Variants in RNF111 observed in about 807,000 individuals in gnomAD.
RNF111 encodes E3 ubiquitin-protein ligase Arkadia.
RNF111 carries 17 observed loss-of-function variants against 95.1 expected under a neutral mutation model. That is an observed-to-expected ratio of 0.18 (90% CI 0.12 to 0.27). RNF111 has a LOEUF of 0.27. RNF111 is among the 10% of genes least tolerant of loss of function. The pLI is 1.00. For synonymous variants in RNF111, 440 were observed against 414.8 expected (o/e 1.06, Z -0.74); for missense variants, 1,189 against 1,210.4 (o/e 0.98, Z 0.26).
intron 1 of RNF111, among the ~76,000 whole-genome samples, chr15:58,993,978 T>G (rs1426175046): frequency 1.3e-5 from 2 of 151,942 alleles, no homozygotes; most frequent in Non-Finnish European, 2.9e-5. Flanking sequence ...TATAGGGCAC[T>G]CGAATAAATT....
chr15:59,073,487 A>C (rs1210234455), intron 6 of RNF111, among the ~76,000 whole-genome samples: 1 of 137,832 alleles, frequency 7.3e-6, no homozygotes, highest in Non-Finnish European at 1.5e-5. Flanking sequence ...TCTCCAAAAA[A>C]AAAAAAAATA....
Position 59,030,927 on chromosome 15 carries a change from G to C in RNF111, c.105G>C (p.Gly35=). The C allele has an allele frequency of 6.2e-7, 1 of 1,614,212 alleles. No homozygotes were observed. The highest frequency in any genetic ancestry group is 8.5e-7 in the Non-Finnish European group (1 of 1,180,030). The change falls in exon 2 of 14, where the codon GGG becomes GGC. Residue 35 remains glycine (G), a synonymous_variant. Coordinates refer to ENST00000348370, the MANE Select transcript of RNF111 (RefSeq NM_017610.8). ...DAPKTQESLK[G]ILLHPEPIGA... is the part of the protein sequence containing the mutation. ...CAAAGACACAGGAGAGTCTGAAAGG[G>C]ATCCTTTTGCATCCAGAGCCCATTG...
chr15:59,090,625 A>G (rs563794911), intron 11 of RNF111, among the ~76,000 whole-genome samples: 13 of 152,226 alleles, frequency 8.5e-5, no homozygotes, highest in Non-Finnish European at 1.6e-4. Flanking sequence ...GAATTATTTC[A>G]TCTTCTCCAT....
chr15:59,071,553 C>T (rs1158191248), intron 6 of RNF111, among the ~76,000 whole-genome samples: 6 of 151,608 alleles, frequency 4.0e-5, no homozygotes, highest in African/African-American at 1.2e-4. Context: ...ATTAGCTGGG[C>T]GTGGGGTCTC....
intron 8 of RNF111, among the ~76,000 whole-genome samples, chr15:59,081,807 G>A (rs2078752816): frequency 1.3e-5 from 2 of 151,854 alleles, no homozygotes; most frequent in South Asian, 2.1e-4. Flanking sequence ...CGGGAGGATC[G>A]CTTGAGCCCA....
Position 59,002,046 on chromosome 15 carries a change from A to G in RNF111, c.-20+13978A>G, listed in dbSNP as rs138093957. Among the ~76,000 whole-genome samples, 548 of 152,374 alleles carry G rather than the reference A, an allele frequency of 3.6e-3. 1 individual carries two copies. The highest frequency in any genetic ancestry group is 0.014 in the Middle Eastern group (4 of 294). ...ATAAAATGGCGAAATGAGGTTAATG[A>G]CATGGGCACTGTGTAGGCATTCATA... On this transcript the variant is annotated intron_variant, in intron 1 of 13. Coordinates refer to ENST00000348370, the MANE Select transcript of RNF111 (RefSeq NM_017610.8).
rs569963719 is a variant in RNF111 at position 59,055,969 on chromosome 15, A to G, written c.1171+124A>G. ...TATTAAACTACAGGGAAATTGTCAGATTTTTTAATCTCGTTTTTAATTGAT... is the reference window on the plus strand; with the variant it reads ...TATTAAACTACAGGGAAATTGTCAGGTTTTTTAATCTCGTTTTTAATTGAT... On this transcript the variant is annotated intron_variant, in intron 4 of 13. Coordinates refer to ENST00000348370, the MANE Select transcript of RNF111 (RefSeq NM_017610.8). 265 of 736,042 alleles carry G rather than the reference A, an allele frequency of 3.6e-4. 1 individual carries two copies. In the Admixed American group the frequency reaches 7.6e-3, roughly 21 times the overall value. 45.6% of individuals were successfully genotyped at this position (736,042 alleles called of 1,614,324 possible). A position where few individuals can be genotyped will look rare whatever the true frequency, so the allele number is the denominator to read the frequency against.
At chr15:58,996,419 CA>C (rs537680130) in intron 1 of RNF111, among the ~76,000 whole-genome samples, 229 of 139,118 alleles carry the variant, frequency 1.6e-3, no homozygotes, top group Non-Finnish European at 1.6e-3. Context: ...CTGAAAAATG[CA>C]AAAAAAAAAA....
At chr15:59,092,707 A>G in intron 13 of RNF111, 67 bp downstream of exon 13, 1 of 1,440,092 alleles carries the variant, frequency 6.9e-7, no homozygotes, top group Non-Finnish European at 9.4e-7. Flanking sequence ...TTGAAAAGTA[A>G]ATTACACCGG....
At chr15:59,013,380 T>G (rs1277847750) in intron 1 of RNF111, among the ~76,000 whole-genome samples, 1 of 152,198 alleles carries the variant, frequency 6.6e-6, no homozygotes, top group Non-Finnish European at 1.5e-5. Context: ...GACTCTGGTT[T>G]CACAGTTTCT....
In RNF111 at chr15:58,992,712, C is replaced by T. The variant is rs542109850; in HGVS notation, c.-20+4644C>T. ...GCACATGCCTGTAGTCCCAGCTACT[C>T]GGGAGGCTGAGGTGAGAGGATGGCT... On this transcript the variant is annotated intron_variant, in intron 1 of 13. Transcript: ENST00000348370. 4.0e-5 allele frequency among the ~76,000 whole-genome samples: 6 copies of T among 151,890 alleles called. No homozygotes were observed. In the East Asian group the frequency reaches 5.8e-4, roughly 15 times the overall value.
intron 1 of RNF111, among the ~76,000 whole-genome samples, chr15:59,002,740 C>T (rs34738650): frequency 0.051 from 7,758 of 152,230 alleles, 264 homozygotes; most frequent in Non-Finnish European, 0.077. Flanking sequence ...TGATCTGGCC[C>T]TGACTACTTC....
intron 1 of RNF111, among the ~76,000 whole-genome samples, chr15:59,008,302 C>T (rs1204161298): frequency 2.0e-5 from 3 of 152,216 alleles, no homozygotes; most frequent in African/African-American, 7.2e-5. Flanking sequence ...ACTGCAGCCT[C>T]ATCCTCCTGA....
Position 59,085,126 on chromosome 15 carries a change from T to G in RNF111, c.2424-533T>G, listed in dbSNP as rs3809532. ...CATTGAGATCTTGAACCACAATGAC[T>G]TTTGAGGCAGAACATAAAATGAGAA... On this transcript the variant is annotated intron_variant, in intron 9 of 13. Coordinates refer to ENST00000348370, the MANE Select transcript of RNF111 (RefSeq NM_017610.8). Among the ~76,000 whole-genome samples the G allele has an allele frequency of 1.1e-4, 17 of 152,328 alleles. No homozygotes were observed. The East Asian group carries it at 3.3e-3, about 29-fold the overall frequency.
chr15:59,046,341 A>G (rs1234600182), intron 2 of RNF111, among the ~76,000 whole-genome samples: 1 of 151,954 alleles, frequency 6.6e-6, no homozygotes, highest in Non-Finnish European at 1.5e-5. Context: ...CTGCAGGCAC[A>G]TGCCACCACA....
rs752418479 is a variant in RNF111, at chr15:59,030,773, A to T, written c.-19-31A>T. On this transcript the variant is annotated intron_variant, in intron 1 of 13. Coordinates refer to ENST00000348370, the MANE Select transcript of RNF111 (RefSeq NM_017610.8). ...AAATAGTATAATAAAACACATTAAAAATCTTTTAAATATCTAATTTTGTCT... is the reference window on the plus strand; with the variant it reads ...AAATAGTATAATAAAACACATTAAATATCTTTTAAATATCTAATTTTGTCT... 4.2e-6 allele frequency: 6 copies of T among 1,440,080 alleles called. No homozygotes were observed. The South Asian group carries it at 8.7e-5, about 21-fold the overall frequency. The allele number at this position is 1,440,080 out of a possible 1,614,324, so 89.2% of individuals were successfully genotyped here.
At chr15:59,054,270 T>A (rs1291315935) in intron 3 of RNF111, among the ~76,000 whole-genome samples, 1 of 152,196 alleles carries the variant, frequency 6.6e-6, no homozygotes, top group African/African-American at 2.4e-5. Flanking sequence ...TTTCTTTGTT[T>A]TAGAGTCTTT....
chr15:58,989,752 C>A (rs761108433), intron 1 of RNF111, among the ~76,000 whole-genome samples: 1 of 152,158 alleles, frequency 6.6e-6, no homozygotes, highest in African/African-American at 2.4e-5. Flanking sequence ...GAGAAAAGCA[C>A]CTTGCTTGTA....
chr15:58,997,591 G>A (rs1449187265), intron 1 of RNF111, among the ~76,000 whole-genome samples: 4 of 151,698 alleles, frequency 2.6e-5, no homozygotes, highest in Admixed American at 2.6e-4. Context: ...GGCTGAGGTG[G>A]CCACATCACG....
Sources: allele counts gnomAD v4.1 joint callset (sites outside exome capture counted in the v4.1 genomes callset), GRCh38; gene constraint gnomAD v4.1.1; transcripts MANE v1.5; gene names NCBI Gene and HGNC (gene_info 2026-07-23, HGNC 2026-07-21).